The following GRM7 variants were observed in gnomAD, a reference collection of about 807,000 sequenced individuals.
GRM7 encodes the protein glutamate metabotropic receptor 7.
Under a neutral mutation model 84.5 loss-of-function variants are expected in GRM7, and 35 were observed. That is an observed-to-expected ratio of 0.41 (90% CI 0.32 to 0.55). The LOEUF is 0.55. Ranked by LOEUF, GRM7 falls within the 20% of genes least tolerant of loss-of-function variation. The probability of loss-of-function intolerance (pLI) is 0.19; values close to 1 mark genes in which losing one functional copy is unlikely to be tolerated. For missense variants in GRM7, 1,003 were observed against 1,194.6 expected (o/e 0.84, Z 2.36); for synonymous variants, 487 against 455.1 (o/e 1.07, Z -0.89).
chr3:7,079,186 C>G (rs531191694), intron 1 of GRM7, among the ~76,000 whole-genome samples: 4 of 152,050 alleles, frequency 2.6e-5, no homozygotes, highest in African/African-American at 9.7e-5. Flanking sequence ...ATTAGAATAC[C>G]TCTTTTTTCT....
chr3:7,191,602 A>G (rs929492744), intron 2 of GRM7, among the ~76,000 whole-genome samples: 17 of 151,572 alleles, frequency 1.1e-4, no homozygotes, highest in Non-Finnish European at 2.1e-4. Context: ...CAACTTGGAT[A>G]AATCACAAAT....
intron 8 of GRM7, among the ~76,000 whole-genome samples, chr3:7,667,396 C>T (rs914932735): frequency 6.6e-6 from 1 of 152,058 alleles, no homozygotes; most frequent in Non-Finnish European, 1.5e-5. Flanking sequence ...ATAGACATTT[C>T]TGAGTACACT....
intron 7 of GRM7, among the ~76,000 whole-genome samples, chr3:7,490,906 G>A (rs1056137631): frequency 6.6e-6 from 1 of 151,296 alleles, no homozygotes; most frequent in Admixed American, 6.6e-5. Flanking sequence ...TGGAGTTTAA[G>A]GTAAATAAAT....
intron 1 of GRM7, among the ~76,000 whole-genome samples, chr3:6,871,943 C>G (rs1695136296): frequency 6.6e-6 from 1 of 151,944 alleles, no homozygotes; most frequent in South Asian, 2.1e-4. Context: ...AATCCCCAAA[C>G]CATTGAGGCA....
At chr3:7,341,621 C>A (rs1013065580) in intron 4 of GRM7, among the ~76,000 whole-genome samples, 1 of 151,970 alleles carries the variant, frequency 6.6e-6, no homozygotes, top group Non-Finnish European at 1.5e-5. Context: ...GCAAAAACTG[C>A]CTTTACCAAA....
chr3:7,415,595 A>G (rs940769745), intron 5 of GRM7, among the ~76,000 whole-genome samples: 3 of 152,206 alleles, frequency 2.0e-5, no homozygotes, highest in African/African-American at 4.8e-5. Context: ...GATTTTCATT[A>G]ATGTCTAAGT....
intron 2 of GRM7, among the ~76,000 whole-genome samples, chr3:7,178,208 A>G (rs1393001127): frequency 6.6e-6 from 1 of 152,236 alleles, no homozygotes; most frequent in Non-Finnish European, 1.5e-5. Context: ...ATATGTATGC[A>G]TTAATTAAAT....
At chr3:6,921,656 C>G (rs1200381826) in intron 1 of GRM7, among the ~76,000 whole-genome samples, 1 of 152,036 alleles carries the variant, frequency 6.6e-6, no homozygotes, top group Non-Finnish European at 1.5e-5. Context: ...GTGTTGCTTT[C>G]CATACTGTGT....
intron 8 of GRM7, among the ~76,000 whole-genome samples, chr3:7,651,290 G>A (rs958396775): frequency 1.3e-5 from 2 of 152,152 alleles, no homozygotes; most frequent in African/African-American, 2.4e-5. Flanking sequence ...GGGAAAAAAA[G>A]TGCTGCTTTT....
chr3:7,337,616 C>G (rs747530017), intron 4 of GRM7, among the ~76,000 whole-genome samples: 2 of 151,708 alleles, frequency 1.3e-5, no homozygotes, highest in Non-Finnish European at 1.5e-5. Flanking sequence ...AGACAATTCT[C>G]AAAAGATACA....
At chr3:7,229,700 C>A (rs1416632546) in intron 2 of GRM7, among the ~76,000 whole-genome samples, 1 of 118,124 alleles carries the variant, frequency 8.5e-6, no homozygotes, top group Admixed American at 1.0e-4. Context: ...TTTTCCTTCC[C>A]CAACCCCGCT....
intron 1 of GRM7, among the ~76,000 whole-genome samples, chr3:6,977,760 C>A (rs1694055289): frequency 6.6e-6 from 1 of 152,078 alleles, no homozygotes; most frequent in Admixed American, 6.5e-5. Context: ...AAATGTTGGG[C>A]TTAACATGAC....
At chr3:7,040,246 A>G (rs1696544608) in intron 1 of GRM7, among the ~76,000 whole-genome samples, 1 of 152,208 alleles carries the variant, frequency 6.6e-6, no homozygotes. Context: ...TTGTAACAGA[A>G]ACCTCACTGC....
chr3:7,243,407 T>C (rs1018710398), intron 2 of GRM7, among the ~76,000 whole-genome samples: 4 of 152,112 alleles, frequency 2.6e-5, no homozygotes, highest in Non-Finnish European at 5.9e-5. Flanking sequence ...TTGGCTTCAT[T>C]CTCAGGAAGA....
intron 5 of GRM7, among the ~76,000 whole-genome samples, chr3:7,448,097 G>A (rs978456482): frequency 4.0e-5 from 6 of 151,798 alleles, no homozygotes; most frequent in Admixed American, 6.6e-5. Context: ...TTTTATGGCC[G>A]CATAGTATTC....
At chr3:7,440,570 G>T (rs891737303) in intron 5 of GRM7, among the ~76,000 whole-genome samples, 1 of 152,120 alleles carries the variant, frequency 6.6e-6, no homozygotes. Context: ...ATTGAGTGTC[G>T]TCGGGGCTTG....
intron 2 of GRM7, among the ~76,000 whole-genome samples, chr3:7,192,262 G>C (rs918048058): frequency 1.3e-5 from 2 of 152,008 alleles, no homozygotes; most frequent in African/African-American, 2.4e-5. Flanking sequence ...ATCTAATTTA[G>C]GTGGTACAAG....
At chr3:7,389,790 T>G (rs1220460378) in intron 4 of GRM7, among the ~76,000 whole-genome samples, 2 of 152,144 alleles carry the variant, frequency 1.3e-5, no homozygotes, top group Non-Finnish European at 2.9e-5. Flanking sequence ...TCTTGTTTTT[T>G]TTTTAATCCA....
chr3:7,183,262 T>C (rs1359395637), intron 2 of GRM7, among the ~76,000 whole-genome samples: 1 of 152,232 alleles, frequency 6.6e-6, no homozygotes, highest in Non-Finnish European at 1.5e-5. Context: ...TATTACATTA[T>C]CTAGCTGTGT....
Sources: gnomAD v4.1 joint callset for allele counts (sites outside exome capture counted in the v4.1 genomes callset) on GRCh38, gnomAD v4.1.1 for gene constraint, MANE v1.5 for transcripts, NCBI Gene and HGNC (gene_info 2026-07-23, HGNC 2026-07-21) for gene names.